The following GK5 variants were observed in gnomAD, a reference collection of about 807,000 sequenced individuals.
The protein encoded by GK5 is glycerol kinase 5.
A neutral mutation model predicts 77.3 loss-of-function variants in GK5; 39 were observed. The observed-to-expected ratio is 0.50, with a 90% CI of 0.39 to 0.66. GK5 has a LOEUF of 0.66. GK5 is among the 30% of genes least tolerant of loss of function. The probability of loss-of-function intolerance (pLI) is 0.00; values close to 1 mark genes in which losing one functional copy is unlikely to be tolerated. For missense variants in GK5, 487 were observed against 633.8 expected, an observed-to-expected ratio of 0.77 and a Z score of 2.49; for synonymous variants, 211 against 208.0, an observed-to-expected ratio of 1.01 and a Z score of -0.13.
At chr3:142,209,720 G>T (rs1671308362) in intron 3 of GK5, among the ~76,000 whole-genome samples, 1 of 152,172 alleles carries the variant, frequency 6.6e-6, no homozygotes, top group African/African-American at 2.4e-5. Flanking sequence ...AGAGTAATTT[G>T]TGTACCTATA....
At chr3:142,186,947 A>C (rs997720881) in intron 6 of GK5, among the ~76,000 whole-genome samples, 1 of 152,090 alleles carries the variant, frequency 6.6e-6, no homozygotes, top group Admixed American at 6.6e-5. Context: ...GTGTATTTTC[A>C]ATGTGAAGTC....
At chr3:142,197,878 C>G (rs535047696) in intron 5 of GK5, among the ~76,000 whole-genome samples, 1 of 151,982 alleles carries the variant, frequency 6.6e-6, no homozygotes, top group Non-Finnish European at 1.5e-5. Context: ...CAAAAACTAG[C>G]TGGGCATGGT....
intron 13 of GK5, 133 bp from the exon 14 acceptor site, chr3:142,171,611 A>T (rs2063541474): frequency 1.5e-6 from 1 of 670,954 alleles, no homozygotes; most frequent in South Asian, 3.6e-5. Context: ...ACAAAATATT[A>T]AAGAAATAAA....
In GK5 at chr3:142,215,690, T is replaced by C; in HGVS notation, c.150A>G (p.Val50=). The C allele has an allele frequency of 6.6e-7, 1 of 1,516,812 alleles. No individual in the cohort carries two copies. Among genetic ancestry groups the C allele is most frequent in the Non-Finnish European group, 9.1e-7 (1 of 1,095,168 alleles). 94.0% of individuals were successfully genotyped at this position (1,516,812 alleles called of 1,614,324 possible). Residue 50 remains valine, a splice_region_variant and synonymous_variant, in exon 2 of 16, where the codon GTA becomes GTG. Transcript: ENST00000392993. ...AGCCAATTTGAGGATAAAGATTTTCTACCTATTAAGGAAAAGAAGATTTAG... is the reference window on the plus strand; with the variant it reads ...AGCCAATTTGAGGATAAAGATTTTCCACCTATTAAGGAAAAGAAGATTTAG... ...ARVCGSSVQK[V]ENLYPQIGWV...
intron 9 of GK5, chr3:142,185,173 G>A: frequency 1.1e-6 from 1 of 940,642 alleles, no homozygotes; most frequent in Non-Finnish European, 1.3e-6. Context: ...AGCACTTTGG[G>A]AGGCAAAGGT....
chr3:142,168,531 T>A (rs1477144711), intron 15 of GK5, among the ~76,000 whole-genome samples: 1 of 152,228 alleles, frequency 6.6e-6, no homozygotes, highest in Admixed American at 6.5e-5. Context: ...CTTTTAAATG[T>A]AAAATATCTT....
At chr3:142,191,048 AT>A (rs61032785) in intron 5 of GK5, among the ~76,000 whole-genome samples, 24,651 of 148,582 alleles carry the variant, frequency 0.17, 2,082 homozygotes, top group African/African-American at 0.2. Flanking sequence ...AGTATAAATA[AT>A]TTTTTTTTTT....
At chr3:142,225,218 G>C in intron 1 of GK5, 91 bp downstream of exon 1, 1 of 1,350,938 alleles carries the variant, frequency 7.4e-7, no homozygotes, top group Non-Finnish European at 9.7e-7. Context: ...CAGGGCGGTA[G>C]GTGGGGCCTG....
intron 5 of GK5, among the ~76,000 whole-genome samples, chr3:142,190,935 TATTAG>T (rs2063839418): frequency 6.6e-6 from 1 of 152,178 alleles, no homozygotes; most frequent in Non-Finnish European, 1.5e-5. Flanking sequence ...CAAAAAAAGC[TATTAG>T]ATAAGTTACT....
chr3:142,213,360 A>T lies in GK5; in HGVS notation c.317+166T>A, dbSNP rs1157528236. Among the ~76,000 whole-genome samples the T allele has an allele frequency of 2.6e-5, 4 of 152,218 alleles. No individual in the cohort carries two copies. The East Asian group carries it at 7.7e-4, about 29-fold the overall frequency. On this transcript the variant is annotated intron_variant, in intron 3 of 15. Transcript: ENST00000392993. ...ATATAATATAAGTCAAGCCCAAATG[A>T]CATGCAGTGAGCATACAAGCCAGAA...
intron 12 of GK5, chr3:142,172,960 T>C (rs2063558333): frequency 8.8e-6 from 2 of 226,200 alleles, no homozygotes; most frequent in Non-Finnish European, 1.8e-5. Flanking sequence ...CCTAGCACTC[T>C]GGGAGGCCAA....
rs1185290459 is a variant in GK5 at position 142,198,794 on chromosome 3, T to C, written c.543+8A>G. On this transcript the variant is annotated splice_region_variant and intron_variant, in intron 5 of 15. Transcript: ENST00000392993. The stretch of plus-strand genomic sequence containing the variant: ...CATATTTTCCACATACACACAGTAT[T>C]TTCTTACCTCAGTCAAGTTCTGTAA... The C allele has an allele frequency of 3.1e-6, 5 of 1,606,918 alleles. No individual in the cohort carries two copies. Among genetic ancestry groups the C allele is most frequent in the Non-Finnish European group, 4.2e-6 (5 of 1,177,658 alleles).
At chr3:142,168,943 C>A (rs563901597) in intron 15 of GK5, among the ~76,000 whole-genome samples, 1 of 152,304 alleles carries the variant, frequency 6.6e-6, no homozygotes, top group South Asian at 2.1e-4. Context: ...CCTCTCCTCA[C>A]CTGACTCTCT....
chr3:142,186,688 T>C (rs2063777482), intron 6 of GK5, among the ~76,000 whole-genome samples, 175 bp from the exon 7 acceptor site: 1 of 148,324 alleles, frequency 6.7e-6, no homozygotes, highest in South Asian at 2.2e-4. Context: ...TAGAGTGCAA[T>C]GGCACGATCT....
chr3:142,212,983 C>T (rs1470028006), intron 3 of GK5, among the ~76,000 whole-genome samples: 5 of 151,518 alleles, frequency 3.3e-5, no homozygotes, highest in South Asian at 2.1e-4. Context: ...TACAGGCGCT[C>T]GCCACCTCGC....
chr3:142,174,468 G>A (rs1040682206), intron 12 of GK5, among the ~76,000 whole-genome samples: 1 of 152,172 alleles, frequency 6.6e-6, no homozygotes, highest in Non-Finnish European at 1.5e-5. Flanking sequence ...AATATGCTAT[G>A]TTTTTTTCCT....
chr3:142,210,147 G>C (rs1001157061), intron 3 of GK5, among the ~76,000 whole-genome samples: 2 of 152,116 alleles, frequency 1.3e-5, no homozygotes, highest in Non-Finnish European at 2.9e-5. Context: ...GGGGATGGGG[G>C]AGAGATAGGG....
Position 142,225,477 on chromosome 3 carries a change from G to A in GK5, c.-22C>T, listed in dbSNP as rs756855058. On this transcript the variant is annotated 5_prime_UTR_variant, in exon 1 of 16. Transcript: ENST00000392993. ...ACATCCCGATCCCGCACGCCTCTCC[G>A]CTACAGCCGCCTACCCAGAGGGCGC... 13 of 1,596,770 alleles carry A rather than the reference G, an allele frequency of 8.1e-6. No homozygotes were observed. The highest frequency in any genetic ancestry group is 4.0e-5 in the African/African-American group (3 of 74,176).
intron 5 of GK5, among the ~76,000 whole-genome samples, chr3:142,192,161 T>C (rs1427133688): frequency 6.6e-6 from 1 of 152,152 alleles, no homozygotes. Flanking sequence ...AACAATAAGA[T>C]ACTACTACAC....
Sources: gnomAD v4.1 joint callset for allele counts (sites outside exome capture counted in the v4.1 genomes callset) on GRCh38, gnomAD v4.1.1 for gene constraint, MANE v1.5 for transcripts, NCBI Gene and HGNC (gene_info 2026-07-23, HGNC 2026-07-21) for gene names.